The following DCUN1D5 variants were observed in gnomAD, a reference collection of about 807,000 sequenced individuals.
DCUN1D5 encodes DCN1-like protein 5.
In DCUN1D5, 10 loss-of-function variants were observed where a neutral mutation model predicts 38.3. The ratio of observed to expected loss-of-function variants is 0.26; its 90% CI spans 0.16 to 0.44. DCUN1D5 has a LOEUF of 0.44. DCUN1D5 is among the 20% of genes least tolerant of loss of function. The pLI is 1.00. For synonymous variants in DCUN1D5, 93 were observed against 90.9 expected (o/e 1.02, Z -0.13); for missense variants, 148 against 275.3 (o/e 0.54, Z 3.27).
In DCUN1D5 at chr11:103,052,858, A is replaced by C. The variant is rs1399160692; in HGVS notation, c.*9501T>G. 6.6e-6 allele frequency: 1 copy of C among 152,060 alleles called. No homozygotes were observed. Among genetic ancestry groups the C allele is most frequent in the Non-Finnish European group, 1.5e-5 (1 of 68,014 alleles). The allele number at this position is 152,060 out of a possible 1,614,324, so 9.4% of individuals were successfully genotyped here. Reference sequence around the variant, plus strand: ...GTTTTCTCACTCTATTACTTTGTTCACATGTTTGATGTCAAGGTGCAAATG... The same window carrying C: ...GTTTTCTCACTCTATTACTTTGTTCCCATGTTTGATGTCAAGGTGCAAATG... On this transcript the variant is annotated 3_prime_UTR_variant, in exon 8 of 8. Transcript: ENST00000260247.
rs1201483010 is a variant in DCUN1D5 at position 103,059,496 on chromosome 11, T to C, written c.*2863A>G. ...TTCAAGAAACACTAATCTAGAGTGC[T>C]TCTGAGTAAAAACCAATAAAATCTA... On this transcript the variant is annotated 3_prime_UTR_variant, in exon 8 of 8. Transcript: ENST00000260247. Among the ~76,000 whole-genome samples, 1 of 152,162 alleles carries C rather than the reference T, an allele frequency of 6.6e-6. No homozygotes were observed. Among genetic ancestry groups the C allele is most frequent in the East Asian group, 1.9e-4 (1 of 5,198 alleles).
In DCUN1D5 at chr11:103,059,830, C is replaced by A. The variant is rs1290319574; in HGVS notation, c.*2529G>T. ...AGTAGTATTACATTTGTATAATATT[C>A]TTATAGAAACAACTCAACTCCATGT... On this transcript the variant is annotated 3_prime_UTR_variant, in exon 8 of 8. Coordinates refer to ENST00000260247, the MANE Select transcript of DCUN1D5 (RefSeq NM_032299.4). 6.6e-6 allele frequency among the ~76,000 whole-genome samples: 1 copy of A among 151,982 alleles called. No individual in the cohort carries two copies. The highest frequency in any genetic ancestry group is 1.5e-5 in the Non-Finnish European group (1 of 67,998).
chr11:103,064,472 G>GT lies in DCUN1D5; in HGVS notation c.556-96dup. Reference sequence around the variant, plus strand: ...AAGTTTTAACTGTTTTTGTGATTTGGTTTTTTCTAAAACATTTACTATTTT... The same window carrying GT: ...AAGTTTTAACTGTTTTTGTGATTTGGTTTTTTTCTAAAACATTTACTATTTT... On this transcript the variant is annotated intron_variant, in intron 6 of 7. Coordinates refer to ENST00000260247, the MANE Select transcript of DCUN1D5 (RefSeq NM_032299.4). This position sits in a 1 kb window ranked among gnomAD's most constrained non-coding sequence, Gnocchi z 4.5. The GT allele has an allele frequency of 1.1e-6, 1 of 933,662 alleles. No homozygotes were observed. Among genetic ancestry groups the GT allele is most frequent in the Non-Finnish European group, 1.5e-6 (1 of 664,396 alleles). 57.8% of individuals were successfully genotyped at this position (933,662 alleles called of 1,614,324 possible). A position where few individuals can be genotyped will look rare whatever the true frequency, so the allele number is the denominator to read the frequency against.
Position 103,082,982 on chromosome 11 carries a change from T to G in DCUN1D5, c.250-143A>C, listed in dbSNP as rs1003771794. The G allele has an allele frequency of 2.7e-5, 18 of 671,528 alleles. No homozygotes were observed. In the African/African-American group the frequency reaches 3.1e-4, roughly 12 times the overall value. The allele number at this position is 671,528 out of a possible 1,614,324, so 41.6% of individuals were successfully genotyped here. The stretch of plus-strand genomic sequence containing the variant: ...ACAACCTCTGGAATTATTAACTATA[T>G]ACAAAGAAATTGAGATGTGCCAATT... On this transcript the variant is annotated intron_variant, in intron 3 of 7. Coordinates refer to ENST00000260247, the MANE Select transcript of DCUN1D5 (RefSeq NM_032299.4).
rs1264104618 is a variant in DCUN1D5, at chr11:103,058,904, G to T, written c.*3455C>A. On this transcript the variant is annotated 3_prime_UTR_variant, in exon 8 of 8. Transcript: ENST00000260247. Reference sequence around the variant, plus strand: ...AGACTTTTGGGTTTTTTTGGGGGGGGTTTTAATTTTATTTTTTATTTTTGG... The same window carrying T: ...AGACTTTTGGGTTTTTTTGGGGGGGTTTTTAATTTTATTTTTTATTTTTGG... 8.0e-5 allele frequency among the ~76,000 whole-genome samples: 12 copies of T among 150,394 alleles called. No homozygotes were observed. Among genetic ancestry groups the T allele is most frequent in the African/African-American group, 2.7e-4 (11 of 40,730 alleles).
In DCUN1D5 at chr11:103,071,340, G is replaced by A. The variant is rs186287714; in HGVS notation, c.342-4773C>T. Among the ~76,000 whole-genome samples the A allele has an allele frequency of 9.3e-3, 1,416 of 151,824 alleles. 13 individuals are homozygous for A. Among genetic ancestry groups the A allele is most frequent in the Non-Finnish European group, 0.015 (1,004 of 67,860 alleles). ...TTACCCATATCAGGAATGAAATGGG[G>A]TATTATTACAGACCCACAGCTATCA... On this transcript the variant is annotated intron_variant, in intron 4 of 7. Coordinates refer to ENST00000260247, the MANE Select transcript of DCUN1D5 (RefSeq NM_032299.4). The surrounding 1 kb of genome is among the most constrained non-coding windows in gnomAD (Gnocchi z 4.1).
chr11:103,083,448 G>T lies in DCUN1D5; in HGVS notation c.179-122C>A. The T allele has an allele frequency of 1.7e-6, 1 of 574,448 alleles. No homozygotes were observed. Among genetic ancestry groups the T allele is most frequent in the Non-Finnish European group, 3.1e-6 (1 of 318,792 alleles). The allele number at this position is 574,448 out of a possible 1,614,324, so 35.6% of individuals were successfully genotyped here. A position where few individuals can be genotyped will look rare whatever the true frequency, so the allele number is the denominator to read the frequency against. On this transcript the variant is annotated intron_variant, in intron 2 of 7. Transcript: ENST00000260247. The surrounding 1 kb of genome is among the most constrained non-coding windows in gnomAD (Gnocchi z 4.4). ...TGCAAATAATTAAATTTGAATTTTG[G>T]CATAGCTTTGATAAGTATAAATATT...
Position 103,052,954 on chromosome 11 carries a change from A to C in DCUN1D5, c.*9405T>G, listed in dbSNP as rs1425129212. 7.9e-5 allele frequency: 12 copies of C among 152,156 alleles called. No individual in the cohort carries two copies. Among genetic ancestry groups the C allele is most frequent in the African/African-American group, 2.9e-4 (12 of 41,446 alleles). 9.4% of individuals were successfully genotyped at this position (152,156 alleles called of 1,614,324 possible). A position where few individuals can be genotyped will look rare whatever the true frequency, so the allele number is the denominator to read the frequency against. On this transcript the variant is annotated 3_prime_UTR_variant, in exon 8 of 8. Coordinates refer to ENST00000260247, the MANE Select transcript of DCUN1D5 (RefSeq NM_032299.4). ...TCCTTTGAGGTTTTTCAGAAATAAT[A>C]CTAGCAGCGAGGAAGACAGGGAGCT...
In DCUN1D5 at chr11:103,062,744, T is replaced by C; in HGVS notation, c.659-330A>G. 6.6e-6 allele frequency among the ~76,000 whole-genome samples: 1 copy of C among 152,070 alleles called. No individual in the cohort carries two copies. The highest frequency in any genetic ancestry group is 1.9e-4 in the East Asian group (1 of 5,196). On this transcript the variant is annotated intron_variant, in intron 7 of 7. Coordinates refer to ENST00000260247, the MANE Select transcript of DCUN1D5 (RefSeq NM_032299.4). The surrounding 1 kb of genome is among the most constrained non-coding windows in gnomAD (Gnocchi z 4.6). ...TAATTATGAAACAATCTGAAAAGTGTTGAAGGTAATATTTCTATGTTGCCT... is the reference window on the plus strand; with the variant it reads ...TAATTATGAAACAATCTGAAAAGTGCTGAAGGTAATATTTCTATGTTGCCT...
chr11:103,072,893 A>G (rs1862316091), intron 4 of DCUN1D5, among the ~76,000 whole-genome samples: 1 of 152,176 alleles, frequency 6.6e-6, no homozygotes, highest in Admixed American at 6.5e-5. Flanking sequence ...TGTACCCTAG[A>G]ACTTGAAGTA....
Position 103,091,409 on chromosome 11 carries a change from T to G in DCUN1D5, c.86+378A>C. ...ATTCTAGAAGTGACCCTTCTGCGGA[T>G]ATGTACTCACTTCTAAGTCTAGAAA... On this transcript the variant is annotated intron_variant, in intron 1 of 7. Transcript: ENST00000260247. This position sits in a 1 kb window ranked among gnomAD's most constrained non-coding sequence, Gnocchi z 4.3. 1 of 221,262 alleles carries G rather than the reference T, an allele frequency of 4.5e-6. No homozygotes were observed. Among genetic ancestry groups the G allele is most frequent in the Non-Finnish European group, 9.3e-6 (1 of 107,896 alleles). 13.7% of individuals were successfully genotyped at this position (221,262 alleles called of 1,614,324 possible). A position where few individuals can be genotyped will look rare whatever the true frequency, so the allele number is the denominator to read the frequency against.
chr11:103,071,215 A>C lies in DCUN1D5; in HGVS notation c.342-4648T>G, dbSNP rs532500014. ...AAGTAAATAAGAGCAGAAACTGCTG[A>C]AATTGAAAACAGAAAAATCAATGCA... On this transcript the variant is annotated intron_variant, in intron 4 of 7. Transcript: ENST00000260247. The surrounding 1 kb of genome is among the most constrained non-coding windows in gnomAD (Gnocchi z 4.1). Among the ~76,000 whole-genome samples the C allele has an allele frequency of 6.6e-6, 1 of 152,252 alleles. No individual in the cohort carries two copies. Among genetic ancestry groups the C allele is most frequent in the South Asian group, 2.1e-4 (1 of 4,822 alleles).
In DCUN1D5 at chr11:103,052,532, A is replaced by G. The variant is rs767185640; in HGVS notation, c.*9827T>C. 2 of 152,126 alleles carry G rather than the reference A, an allele frequency of 1.3e-5. No individual in the cohort carries two copies. The highest frequency in any genetic ancestry group is 6.5e-5 in the Admixed American group (1 of 15,270). The allele number at this position is 152,126 out of a possible 1,614,324, so 9.4% of individuals were successfully genotyped here. ...TTCAAAGGTAGAAACTAACAACTAC[A>G]CTGTTTTATCCTGTGTAATAAGAGG... On this transcript the variant is annotated 3_prime_UTR_variant, in exon 8 of 8. Coordinates refer to ENST00000260247, the MANE Select transcript of DCUN1D5 (RefSeq NM_032299.4).
At chr11:103,070,898 A>C (rs565996228) in intron 4 of DCUN1D5, among the ~76,000 whole-genome samples, 2 of 152,212 alleles carry the variant, frequency 1.3e-5, no homozygotes, top group Non-Finnish European at 2.9e-5. Flanking sequence ...ATCAAACTAG[A>C]AATCAATAAC....
Position 103,082,411 on chromosome 11 carries a change from G to C in DCUN1D5, c.341+337C>G, listed in dbSNP as rs571517702. Reference sequence around the variant, plus strand: ...GGCTGCCCAACGAACATACTCCTTCGATAGTAGAATTCTGTATTGAGAGAG... The same window carrying C: ...GGCTGCCCAACGAACATACTCCTTCCATAGTAGAATTCTGTATTGAGAGAG... On this transcript the variant is annotated intron_variant, in intron 4 of 7. Transcript: ENST00000260247. Among the ~76,000 whole-genome samples the C allele has an allele frequency of 4.6e-5, 7 of 152,144 alleles. No individual in the cohort carries two copies. In the East Asian group the frequency reaches 1.4e-3, roughly 29 times the overall value.
chr11:103,081,847 A>T (rs1010902378), intron 4 of DCUN1D5, among the ~76,000 whole-genome samples: 1 of 152,178 alleles, frequency 6.6e-6, no homozygotes, highest in Non-Finnish European at 1.5e-5. Context: ...TGAAAATTCA[A>T]ATTTAAAAAT....
rs571174371 is a variant in DCUN1D5, at chr11:103,086,229, G to A, written c.179-2903C>T. Among the ~76,000 whole-genome samples, 9 of 151,968 alleles carry A rather than the reference G, an allele frequency of 5.9e-5. No homozygotes were observed. Among genetic ancestry groups the A allele is most frequent in the East Asian group, 5.8e-4 (3 of 5,168 alleles). On this transcript the variant is annotated intron_variant, in intron 2 of 7. Coordinates refer to ENST00000260247, the MANE Select transcript of DCUN1D5 (RefSeq NM_032299.4). This position sits in a 1 kb window ranked among gnomAD's most constrained non-coding sequence, Gnocchi z 4.1. The stretch of plus-strand genomic sequence containing the variant: ...ACACAGCACCTTCAACATGAGCTAC[G>A]TAAGAGTCATTAATTTTGGAACACT...
chr11:103,062,102 G>C lies in DCUN1D5; in HGVS notation c.*257C>G. The C allele has an allele frequency of 2.6e-6, 1 of 383,114 alleles. No homozygotes were observed. Among genetic ancestry groups the C allele is most frequent in the Middle Eastern group, 6.8e-4 (1 of 1,476 alleles). The allele number at this position is 383,114 out of a possible 1,614,324, so 23.7% of individuals were successfully genotyped here. ...ACTTTAAGGCCTTTGTCACAAATCT[G>C]AATCTTTATTGTTCTGAAATAAATG... On this transcript the variant is annotated 3_prime_UTR_variant, in exon 8 of 8. Coordinates refer to ENST00000260247, the MANE Select transcript of DCUN1D5 (RefSeq NM_032299.4). This position sits in a 1 kb window ranked among gnomAD's most constrained non-coding sequence, Gnocchi z 4.6.
rs1232422423 is a variant in DCUN1D5, at chr11:103,065,152, C to CTT, written c.556-776_556-775insAA. ...ATGTAAGACCTTTTCATATCATTGT[C>CTT]TCTTTTTTTTTTTTTCTGAGACAGA... is the stretch of plus-strand genomic sequence containing the variant. On this transcript the variant is annotated intron_variant, in intron 6 of 7. Coordinates refer to ENST00000260247, the MANE Select transcript of DCUN1D5 (RefSeq NM_032299.4). The surrounding 1 kb of genome is among the most constrained non-coding windows in gnomAD (Gnocchi z 4.6). 6.7e-6 allele frequency among the ~76,000 whole-genome samples: 1 copy of CTT among 150,360 alleles called. No individual in the cohort carries two copies. Among genetic ancestry groups the CTT allele is most frequent in the East Asian group, 1.9e-4 (1 of 5,158 alleles).
Sources: gnomAD v4.1 joint callset for allele counts (sites outside exome capture counted in the v4.1 genomes callset) on GRCh38, gnomAD v4.1.1 for gene constraint, Gnocchi (gnomAD v3.1) non-coding constraint, MANE v1.5 for transcripts, NCBI Gene and HGNC (gene_info 2026-07-23, HGNC 2026-07-21) for gene names.